Variants in BLTP1 observed in about 807,000 individuals in gnomAD.
BLTP1 encodes bridge-like lipid transfer protein family member 1.
the BLTP1 span, chr4:122,314,100 C>T: frequency 1.0e-6 from 1 of 983,152 alleles, no homozygotes. Context: ...ATACTGGGAT[C>T]AGAGAAAACT....
At chr4:122,219,992 T>TA in the BLTP1 span, among the ~76,000 whole-genome samples, 1 of 152,144 alleles carries the variant, frequency 6.6e-6, no homozygotes, top group African/African-American at 2.4e-5. Context: ...AGTTTGGATC[T>TA]AGCACGGTAT....
the BLTP1 span, chr4:122,183,206 C>T: frequency 3.6e-5 from 13 of 359,376 alleles, no homozygotes; most frequent in African/African-American, 2.0e-4. Flanking sequence ...CATGGTGACA[C>T]GTGCCTGGGG....
chr4:122,312,344 T>G, the BLTP1 span, among the ~76,000 whole-genome samples: 1 of 152,196 alleles, frequency 6.6e-6, no homozygotes, highest in African/African-American at 2.4e-5. Flanking sequence ...CCTTTAAGCT[T>G]AATTTTTAAA....
At chr4:122,288,428 C>T in the BLTP1 span, among the ~76,000 whole-genome samples, 1 of 152,002 alleles carries the variant, frequency 6.6e-6, no homozygotes, top group Non-Finnish European at 1.5e-5. Context: ...CACCTGTAAT[C>T]CCAGCACTTT....
chr4:122,159,902 A>G, the BLTP1 span, among the ~76,000 whole-genome samples: 1 of 152,230 alleles, frequency 6.6e-6, no homozygotes, highest in African/African-American at 2.4e-5. Context: ...TGGGCTTTAG[A>G]ACTAGTTAAC....
At chr4:122,279,913 C>T in the BLTP1 span, 2 of 1,614,120 alleles carry the variant, frequency 1.2e-6, no homozygotes, top group Non-Finnish European at 8.5e-7. Context: ...CCTTACATAG[C>T]ATGATGGTTC....
chr4:122,153,137 C>A, the BLTP1 span: 1 of 532,578 alleles, frequency 1.9e-6, no homozygotes, highest in Non-Finnish European at 2.4e-6. Context: ...GATTTTTCTT[C>A]CGGAGAGTAT....
At chr4:122,266,660 CT>C in the BLTP1 span, 7 of 845,886 alleles carry the variant, frequency 8.3e-6, no homozygotes, top group Non-Finnish European at 1.2e-5. Flanking sequence ...TTGCTTCACA[CT>C]ATGATAATAA....
At chr4:122,262,003 C>T in the BLTP1 span, 2 of 985,328 alleles carry the variant, frequency 2.0e-6, no homozygotes, top group Non-Finnish European at 1.2e-6. Flanking sequence ...AGCAAAAAGC[C>T]TCTAGTTTCC....
chr4:122,297,682 A>G, the BLTP1 span, among the ~76,000 whole-genome samples: 3 of 152,356 alleles, frequency 2.0e-5, no homozygotes, highest in East Asian at 3.9e-4. Context: ...GATAGACTGG[A>G]TAAAGAAAAT....
the BLTP1 span, chr4:122,183,114 T>G: frequency 2.8e-6 from 2 of 718,358 alleles, no homozygotes; most frequent in African/African-American, 1.9e-5. Flanking sequence ...AGTGGGAGGA[T>G]TGCTTGAGCC....
the BLTP1 span, among the ~76,000 whole-genome samples, chr4:122,322,014 T>G: frequency 9.2e-6 from 1 of 108,898 alleles, no homozygotes; most frequent in East Asian, 2.9e-4. Flanking sequence ...TTTTTTTTTT[T>G]TGGCATTTAT....
the BLTP1 span, chr4:122,305,212 G>A: frequency 1.0e-6 from 1 of 983,378 alleles, no homozygotes; most frequent in Non-Finnish European, 1.2e-6. Flanking sequence ...ACTTAATCCA[G>A]TATCTTCGTA....
chr4:122,347,934 A>C, the BLTP1 span, among the ~76,000 whole-genome samples: 226 of 151,994 alleles, frequency 1.5e-3, 5 homozygotes, highest in East Asian at 0.023. Flanking sequence ...CACAGTAAAA[A>C]CAACAAAACA....
the BLTP1 span, chr4:122,343,755 G>A: frequency 7.6e-5 from 68 of 896,192 alleles, no homozygotes; most frequent in South Asian, 3.3e-4. Context: ...TCATATTTAC[G>A]TAATAAGTAG....
the BLTP1 span, among the ~76,000 whole-genome samples, chr4:122,232,677 A>G: frequency 1.3e-5 from 2 of 152,194 alleles, no homozygotes. Flanking sequence ...TACGTTATAG[A>G]AGAGGAACAC....
At chr4:122,249,786 A>G in the BLTP1 span, 1 of 1,483,296 alleles carries the variant, frequency 6.7e-7, no homozygotes, top group Non-Finnish European at 9.1e-7. Context: ...AATCAACATA[A>G]TAAAGCAGAA....
At chr4:122,346,464 A>T in the BLTP1 span, 1 of 985,046 alleles carries the variant, frequency 1.0e-6, no homozygotes, top group Non-Finnish European at 1.2e-6. Context: ...TAACAGTGTT[A>T]GAATGTGCTG....
At chr4:122,330,059 C>T in the BLTP1 span, among the ~76,000 whole-genome samples, 9 of 151,782 alleles carry the variant, frequency 5.9e-5, no homozygotes, top group East Asian at 3.9e-4. Flanking sequence ...GCAGCATTTC[C>T]GTCTTTTTTT....
Sources: gnomAD v4.1 joint callset for allele counts (sites outside exome capture counted in the v4.1 genomes callset) on GRCh38, gnomAD v4.1.1 for gene constraint, MANE v1.5 for transcripts, NCBI Gene and HGNC (gene_info 2026-07-23, HGNC 2026-07-21) for gene names.